The following FAT3 variants were observed in gnomAD, a reference collection of about 807,000 sequenced individuals.
The protein encoded by FAT3 is protocadherin Fat 3.
Under a neutral mutation model 310.2 loss-of-function variants are expected in FAT3, and 95 were observed. The observed-to-expected ratio is 0.31, with a 90% CI of 0.26 to 0.36. The LOEUF (loss-of-function observed/expected upper bound fraction) is 0.36, where lower values mean the gene tolerates loss of function less well. Among genes scored for constraint, FAT3 ranks in the 10% least tolerant of loss-of-function variants. FAT3 has a pLI of 1.00. For synonymous variants in FAT3, 2,314 were observed against 2,192.9 expected (o/e 1.06, Z -1.54); for missense variants, 5,408 against 5,715.6 (o/e 0.95, Z 1.74).
chr11:92,408,732 A>G (rs559573227), intron 2 of FAT3, among the ~76,000 whole-genome samples: 2 of 152,340 alleles, frequency 1.3e-5, no homozygotes, highest in East Asian at 3.9e-4. Flanking sequence ...TGGATCAAAT[A>G]TGGAACATGT....
intron 2 of FAT3, among the ~76,000 whole-genome samples, chr11:92,430,873 G>A (rs1269402058): frequency 6.6e-6 from 1 of 152,138 alleles, no homozygotes. Flanking sequence ...GTATTCCATG[G>A]TGTATATGTG....
chr11:92,323,182 A>G (rs1466532621), intron 1 of FAT3, among the ~76,000 whole-genome samples: 1 of 152,078 alleles, frequency 6.6e-6, no homozygotes, highest in Non-Finnish European at 1.5e-5. Flanking sequence ...GACCAGGTAC[A>G]TTGTTAATGA....
At chr11:92,884,112 C>T (rs997681106) in intron 24 of FAT3, among the ~76,000 whole-genome samples, 25 of 152,220 alleles carry the variant, frequency 1.6e-4, no homozygotes, top group African/African-American at 5.5e-4. Flanking sequence ...ACATTCTAGG[C>T]ACAGGGAAGA....
chr11:92,790,352 A>G lies in FAT3; in HGVS notation c.4611+134A>G, dbSNP rs1047412497. 3.6e-5 allele frequency: 38 copies of G among 1,041,976 alleles called. No individual in the cohort carries two copies. The Middle Eastern group carries it at 1.5e-3, about 40-fold the overall frequency. 64.5% of individuals were successfully genotyped at this position (1,041,976 alleles called of 1,614,324 possible). ...TTTAGTCTTTTCACAGAGAGATTGC[A>G]TTCATTTTTGCCTTTTTATTTCAAT... On this transcript the variant is annotated intron_variant, in intron 8 of 27. Coordinates refer to ENST00000525166, the MANE Select transcript of FAT3 (RefSeq NM_001367949.2).
At chr11:92,882,614 G>A in intron 23 of FAT3, 124 bp from the exon 24 acceptor site, 1 of 515,686 alleles carries the variant, frequency 1.9e-6, no homozygotes, top group South Asian at 2.9e-5. Flanking sequence ...TCTTTGTCCT[G>A]CTTCATCTGT....
intron 2 of FAT3, among the ~76,000 whole-genome samples, chr11:92,500,824 T>C (rs1037373168): frequency 2.6e-5 from 4 of 152,024 alleles, no homozygotes; most frequent in Non-Finnish European, 4.4e-5. Flanking sequence ...AAAGATACTT[T>C]AATCACATAG....
chr11:92,267,781 T>C (rs1946011198), intron 1 of FAT3, among the ~76,000 whole-genome samples: 1 of 152,198 alleles, frequency 6.6e-6, no homozygotes, highest in Admixed American at 6.6e-5. Flanking sequence ...CTGATACTCT[T>C]TTCCTAAGCT....
intron 4 of FAT3, among the ~76,000 whole-genome samples, chr11:92,735,557 CATAGATAG>C (rs35680919): frequency 0.035 from 5,136 of 148,780 alleles, 83 homozygotes; most frequent in East Asian, 0.043. Flanking sequence ...GATGGATGAG[CATAGATAG>C]ATAGATAGAT....
intron 1 of FAT3, among the ~76,000 whole-genome samples, chr11:92,340,157 C>A (rs1167849139): frequency 1.4e-5 from 2 of 147,670 alleles, no homozygotes; most frequent in African/African-American, 2.5e-5. Flanking sequence ...TTTGGCGGAA[C>A]CTTTTCAGCC....
intron 2 of FAT3, among the ~76,000 whole-genome samples, chr11:92,500,361 C>T (rs1459323523): frequency 6.6e-6 from 1 of 151,464 alleles, no homozygotes; most frequent in Admixed American, 6.6e-5. Context: ...TTTTTTTCTT[C>T]TAGGAATGGT....
chr11:92,532,984 C>A (rs1311300058), intron 3 of FAT3, among the ~76,000 whole-genome samples: 1 of 152,108 alleles, frequency 6.6e-6, no homozygotes, highest in Non-Finnish European at 1.5e-5. Context: ...CATTTACAAG[C>A]CCCAGGGAAC....
At chr11:92,731,375 G>GC (rs1459681782) in intron 4 of FAT3, among the ~76,000 whole-genome samples, 3 of 152,060 alleles carry the variant, frequency 2.0e-5, no homozygotes, top group Non-Finnish European at 2.9e-5. Flanking sequence ...CTACAGGACA[G>GC]CCCCCACAAC....
intron 3 of FAT3, among the ~76,000 whole-genome samples, chr11:92,600,627 G>A (rs1383478081): frequency 6.6e-6 from 1 of 152,186 alleles, no homozygotes; most frequent in Non-Finnish European, 1.5e-5. Flanking sequence ...TGTGTTGTAA[G>A]TGCAGAAGAT....
At position 92,355,242 on chromosome 11, in the gene FAT3, C is replaced by T. The variant is rs577176449; in HGVS notation, c.3130C>T (p.Pro1044Ser). 7 of 1,613,720 alleles carry T rather than the reference C, an allele frequency of 4.3e-6. No individual in the cohort carries two copies. In the South Asian group the frequency reaches 6.6e-5, roughly 15 times the overall value. Reference protein sequence around the residue: ...VNENLHTPYFPDFAVVGSVKE... With the variant: ...VNENLHTPYFSDFAVVGSVKE... ...TGAAAACCTCCACACTCCCTATTTC[C>T]CAGACTTTGCTGTTGTTGGATCTGT... Residue 1044 changes from proline to serine, a missense_variant, in exon 2 of 28, where the codon CCA (proline) becomes TCA (serine). Pro to Ser is a moderately conservative substitution (Grantham distance 74). Around this residue, in one of 5 missense-constraint regions of FAT3, gnomAD observed 4,588 missense variants for 4,809.8 expected, o/e 0.95. Coordinates refer to ENST00000525166, the MANE Select transcript of FAT3 (RefSeq NM_001367949.2).
chr11:92,483,174 C>T (rs1285862656), intron 2 of FAT3, among the ~76,000 whole-genome samples: 1 of 152,118 alleles, frequency 6.6e-6, no homozygotes, highest in Non-Finnish European at 1.5e-5. Context: ...CTAGAGTGTA[C>T]AGGTAACACA....
intron 3 of FAT3, among the ~76,000 whole-genome samples, chr11:92,650,939 A>G (rs1942353619): frequency 6.6e-6 from 1 of 152,252 alleles, no homozygotes; most frequent in Admixed American, 6.5e-5. Flanking sequence ...TTAGCTAGGT[A>G]TGCTAGGTAC....
intron 3 of FAT3, among the ~76,000 whole-genome samples, chr11:92,651,956 A>G (rs1942395109): frequency 6.6e-6 from 1 of 152,138 alleles, no homozygotes; most frequent in African/African-American, 2.4e-5. Context: ...TAAACTATTC[A>G]TTTCCATTGT....
chr11:92,672,173 C>T (rs2135827596), intron 3 of FAT3, among the ~76,000 whole-genome samples: 1 of 152,164 alleles, frequency 6.6e-6, no homozygotes, highest in South Asian at 2.1e-4. Context: ...TGATTTCTAC[C>T]ATGTTTAACT....
At chr11:92,403,223 G>A (rs1257647754) in intron 2 of FAT3, 1 of 152,190 alleles carries the variant, frequency 6.6e-6, no homozygotes, top group African/African-American at 2.4e-5. Context: ...TGTGGTACCT[G>A]AGCAAGATGT....
Sources: gnomAD v4.1 joint callset for allele counts (sites outside exome capture counted in the v4.1 genomes callset) on GRCh38, gnomAD v4.1.1 for gene constraint, gnomAD v4.1.1 regional missense constraint, MANE v1.5 for transcripts, NCBI Gene and HGNC (gene_info 2026-07-23, HGNC 2026-07-21) for gene names.